Variants in SLC25A48 observed in about 807,000 individuals in gnomAD.
SLC25A48 encodes the protein solute carrier family 25 member 48.
A neutral mutation model predicts 32.2 loss-of-function variants in SLC25A48; 29 were observed. The ratio of observed to expected loss-of-function variants is 0.90; its 90% CI spans 0.67 to 1.23. The LOEUF (loss-of-function observed/expected upper bound fraction) is 1.23, where lower values mean the gene tolerates loss of function less well. Ranked by LOEUF, SLC25A48 falls within the 50% of genes most tolerant of loss-of-function variation. SLC25A48 has a pLI of 0.00. For synonymous variants in SLC25A48, 164 were observed against 172.3 expected, an observed-to-expected ratio of 0.95 and a Z score of 0.38; for missense variants, 399 against 422.7, an observed-to-expected ratio of 0.94 and a Z score of 0.49.
At chr5:135,719,256 C>T (rs1754888976) in intron 3 of SLC25A48, among the ~76,000 whole-genome samples, 1 of 152,278 alleles carries the variant, frequency 6.6e-6, no homozygotes, top group Admixed American at 6.5e-5. Flanking sequence ...TTATTTTTCC[C>T]TTTGAGATTT....
At chr5:135,715,899 C>T (rs1419065999) in intron 3 of SLC25A48, among the ~76,000 whole-genome samples, 2 of 152,182 alleles carry the variant, frequency 1.3e-5, no homozygotes, top group Admixed American at 1.3e-4. Context: ...CATGCCTGTG[C>T]TGTGATGTAA....
intron 3 of SLC25A48, among the ~76,000 whole-genome samples, chr5:135,746,905 C>T (rs535008208): frequency 7.9e-5 from 12 of 152,130 alleles, no homozygotes; most frequent in African/African-American, 1.7e-4. Context: ...GCTCCAGACC[C>T]GTTGTCTTAT....
intron 2 of SLC25A48, among the ~76,000 whole-genome samples, chr5:135,634,237 C>T (rs577789844): frequency 2.2e-4 from 34 of 152,318 alleles, no homozygotes; most frequent in East Asian, 7.7e-4. Context: ...CTTCTGTTAA[C>T]GGCCAAGGAG....
At position 135,886,219 on chromosome 5, in the gene SLC25A48, A is replaced by C. The variant is rs577895390; in HGVS notation, c.*8-1813A>C. Among the ~76,000 whole-genome samples, 6 of 152,158 alleles carry C rather than the reference A, an allele frequency of 3.9e-5. No homozygotes were observed. The South Asian group carries it at 1.0e-3, about 26-fold the overall frequency. ...TTGCAGAGCTAGGGCTCCCTGCTGGATACTTGTTTTCCAGGCTGCGGGCTG... is the reference window on the plus strand; with the variant it reads ...TTGCAGAGCTAGGGCTCCCTGCTGGCTACTTGTTTTCCAGGCTGCGGGCTG... On this transcript the variant is annotated intron_variant, in intron 7 of 7. Coordinates refer to ENST00000681962, the MANE Select transcript of SLC25A48 (RefSeq NM_001349336.2).
intron 3 of SLC25A48, among the ~76,000 whole-genome samples, chr5:135,800,907 G>A (rs868414768): frequency 8.6e-5 from 13 of 150,880 alleles, no homozygotes; most frequent in Middle Eastern, 7.0e-3. Flanking sequence ...GCAGGGGCGT[G>A]TACACCCCTC....
At chr5:135,602,927 A>G (rs1245402463) in intron 1 of SLC25A48, among the ~76,000 whole-genome samples, 1 of 152,176 alleles carries the variant, frequency 6.6e-6, no homozygotes, top group Non-Finnish European at 1.5e-5. Context: ...TGCTGGTCTC[A>G]GTTACACAAA....
chr5:135,724,988 A>T (rs944671783), intron 3 of SLC25A48, among the ~76,000 whole-genome samples: 11 of 152,374 alleles, frequency 7.2e-5, no homozygotes, highest in African/African-American at 2.6e-4. Flanking sequence ...GCTTATCACA[A>T]GAGCTCCTGC....
chr5:135,860,658 G>A (rs1760701570), intron 4 of SLC25A48, among the ~76,000 whole-genome samples: 1 of 152,228 alleles, frequency 6.6e-6, no homozygotes, highest in African/African-American at 2.4e-5. Flanking sequence ...TGCATAGAAT[G>A]GGGCTGGGGC....
At chr5:135,869,563 G>A (rs1227351428) in intron 4 of SLC25A48, among the ~76,000 whole-genome samples, 3 of 152,196 alleles carry the variant, frequency 2.0e-5, no homozygotes, top group Non-Finnish European at 1.5e-5. Flanking sequence ...ACCCATAGTT[G>A]CTTCATGAAA....
At chr5:135,659,631 C>T (rs184279182) in intron 3 of SLC25A48, among the ~76,000 whole-genome samples, 1 of 152,336 alleles carries the variant, frequency 6.6e-6, no homozygotes, top group Admixed American at 6.5e-5. Flanking sequence ...TGTTCTCACA[C>T]TGCTGTAAAT....
At chr5:135,761,120 G>A (rs529629606) in intron 3 of SLC25A48, among the ~76,000 whole-genome samples, 1 of 152,020 alleles carries the variant, frequency 6.6e-6, no homozygotes, top group East Asian at 1.9e-4. Context: ...GAGCAACATG[G>A]TGAGACCCCC....
chr5:135,672,527 T>C (rs1011484451), intron 3 of SLC25A48, among the ~76,000 whole-genome samples: 1 of 152,168 alleles, frequency 6.6e-6, no homozygotes, highest in Non-Finnish European at 1.5e-5. Flanking sequence ...GTGTCCAGTC[T>C]TCAACAGTCA....
intron 3 of SLC25A48, among the ~76,000 whole-genome samples, chr5:135,641,878 C>T (rs185990659): frequency 1.6e-3 from 239 of 152,328 alleles, no homozygotes; most frequent in Non-Finnish European, 2.8e-3. Context: ...GGACATCTCA[C>T]TCCTCTTCCA....
At chr5:135,863,733 G>A (rs1262230065) in intron 4 of SLC25A48, among the ~76,000 whole-genome samples, 16 of 152,158 alleles carry the variant, frequency 1.1e-4, no homozygotes. Context: ...CCTTGGGGAG[G>A]TGGGGAATTA....
At chr5:135,744,909 G>A (rs1755604498) in intron 3 of SLC25A48, among the ~76,000 whole-genome samples, 1 of 152,064 alleles carries the variant, frequency 6.6e-6, no homozygotes, top group African/African-American at 2.4e-5. Flanking sequence ...AGGAGAGGTG[G>A]CGGGCATCTG....
intron 3 of SLC25A48, among the ~76,000 whole-genome samples, chr5:135,710,030 C>A (rs568990292): frequency 6.6e-6 from 1 of 152,294 alleles, no homozygotes; most frequent in East Asian, 1.9e-4. Flanking sequence ...ACATTGAACA[C>A]CAAGTTGGGA....
intron 6 of SLC25A48, among the ~76,000 whole-genome samples, chr5:135,879,146 G>A (rs1478668353): frequency 6.6e-6 from 1 of 152,154 alleles, no homozygotes; most frequent in Admixed American, 6.5e-5. Context: ...GAGTTCATCA[G>A]CTCATCAGCA....
chr5:135,652,113 G>A (rs1471163271), intron 3 of SLC25A48, among the ~76,000 whole-genome samples: 3 of 152,232 alleles, frequency 2.0e-5, no homozygotes, highest in African/African-American at 7.2e-5. Context: ...GGCAGGGATG[G>A]AGGCTATGCA....
At chr5:135,734,582 C>T (rs1391765584) in intron 3 of SLC25A48, among the ~76,000 whole-genome samples, 1 of 151,984 alleles carries the variant, frequency 6.6e-6, no homozygotes, top group African/African-American at 2.4e-5. Context: ...AATCCCAGCA[C>T]TTTGGGAGGC....
Sources: allele counts gnomAD v4.1 joint callset (sites outside exome capture counted in the v4.1 genomes callset), GRCh38; gene constraint gnomAD v4.1.1; transcripts MANE v1.5; gene names NCBI Gene and HGNC (gene_info 2026-07-23, HGNC 2026-07-21).